Variants in DYNC1LI1 observed in about 807,000 individuals in gnomAD.
The protein encoded by DYNC1LI1 is cytoplasmic dynein 1 light intermediate chain 1.
DYNC1LI1 carries 19 observed loss-of-function variants against 63.8 expected under a neutral mutation model. The observed-to-expected ratio is 0.30, with a 90% CI of 0.21 to 0.44. The LOEUF (loss-of-function observed/expected upper bound fraction) is 0.44, where lower values mean the gene tolerates loss of function less well. Ranked by LOEUF, DYNC1LI1 falls within the 20% of genes least tolerant of loss-of-function variation. The probability of loss-of-function intolerance (pLI) is 1.00; values close to 1 mark genes in which losing one functional copy is unlikely to be tolerated. For synonymous variants in DYNC1LI1, 225 were observed against 232.3 expected (o/e 0.97, Z 0.28); for missense variants, 565 against 630.2 (o/e 0.90, Z 1.11).
chr3:32,569,598 G>A lies in DYNC1LI1; in HGVS notation c.220+748C>T, dbSNP rs558608078. On this transcript the variant is annotated intron_variant, in intron 2 of 12. Coordinates refer to ENST00000273130, the MANE Select transcript of DYNC1LI1 (RefSeq NM_016141.4). Reference sequence around the variant, plus strand: ...GAAATTTCTCCTATAAATGATTCAGGAGCTAAGCCTAGAAAAATGCGAATC... The same window carrying A: ...GAAATTTCTCCTATAAATGATTCAGAAGCTAAGCCTAGAAAAATGCGAATC... 4.6e-5 allele frequency among the ~76,000 whole-genome samples: 7 copies of A among 152,166 alleles called. No homozygotes were observed. In the South Asian group the frequency reaches 1.4e-3, roughly 32 times the overall value.
intron 12 of DYNC1LI1, among the ~76,000 whole-genome samples, 181 bp downstream of exon 12, chr3:32,528,265 G>C (rs1697649402): frequency 6.6e-6 from 1 of 151,972 alleles, no homozygotes; most frequent in South Asian, 2.1e-4. Context: ...AGAGGAAAGA[G>C]AGAAGGTTCA....
At chr3:32,541,253 G>A (rs778027231) in intron 4 of DYNC1LI1, 47 bp from the exon 5 acceptor site, 3 of 1,306,172 alleles carry the variant, frequency 2.3e-6, no homozygotes, top group Non-Finnish European at 3.1e-6. Flanking sequence ...CATTTCAGCA[G>A]GTAACTTTTC....
At chr3:32,540,112 A>C (rs1404808911) in intron 5 of DYNC1LI1, among the ~76,000 whole-genome samples, 14 of 145,532 alleles carry the variant, frequency 9.6e-5, no homozygotes, top group Admixed American at 8.2e-4. Flanking sequence ...CTCGTGATCC[A>C]CCCGCCTCAG....
chr3:32,527,039 A>G (rs913080855), intron 12 of DYNC1LI1, 131 bp from the exon 13 acceptor site: 15 of 610,408 alleles, frequency 2.5e-5, no homozygotes, highest in Non-Finnish European at 3.6e-5. Context: ...TATACAAACA[A>G]CACTTAATTT....
At chr3:32,527,760 C>G (rs538865435) in intron 12 of DYNC1LI1, among the ~76,000 whole-genome samples, 99 of 152,142 alleles carry the variant, frequency 6.5e-4, no homozygotes, top group African/African-American at 2.3e-3. Context: ...ACTCAGATGT[C>G]CATTACCCAG....
intron 6 of DYNC1LI1, among the ~76,000 whole-genome samples, chr3:32,536,460 A>C (rs146304685): frequency 1.3e-5 from 2 of 152,220 alleles, no homozygotes; most frequent in East Asian, 3.9e-4. Context: ...GGCTCACCTA[A>C]TCCTTGCAAT....
intron 7 of DYNC1LI1, among the ~76,000 whole-genome samples, chr3:32,533,877 CTT>C (rs57075516): frequency 3.2e-4 from 42 of 130,426 alleles, no homozygotes; most frequent in African/African-American, 5.2e-4. Flanking sequence ...AGGTAACTTT[CTT>C]TTTTTTTTTT....
chr3:32,537,186 T>C (rs1365329258), intron 5 of DYNC1LI1, 82 bp from the exon 6 acceptor site: 4 of 713,188 alleles, frequency 5.6e-6, no homozygotes, highest in Non-Finnish European at 6.5e-6. Context: ...CAATTCTGGA[T>C]AGGGGAACAT....
chr3:32,547,973 T>C (rs761028421), intron 2 of DYNC1LI1, among the ~76,000 whole-genome samples: 8 of 152,052 alleles, frequency 5.3e-5, no homozygotes, highest in Non-Finnish European at 5.9e-5. Flanking sequence ...GTATAATATA[T>C]ATGTGTGTGT....
intron 6 of DYNC1LI1, 152 bp from the exon 7 acceptor site, chr3:32,534,798 TA>T: frequency 4.2e-6 from 2 of 476,202 alleles, no homozygotes; most frequent in Non-Finnish European, 7.1e-6. Context: ...ACTTCAAAAG[TA>T]AAAAATACTA....
intron 5 of DYNC1LI1, among the ~76,000 whole-genome samples, chr3:32,538,540 A>T (rs1697832521): frequency 6.6e-6 from 1 of 151,962 alleles, no homozygotes; most frequent in Non-Finnish European, 1.5e-5. Flanking sequence ...CTCCACTAAA[A>T]ATACAAAAAA....
intron 5 of DYNC1LI1, among the ~76,000 whole-genome samples, chr3:32,537,915 T>TA (rs1697799840): frequency 3.1e-5 from 2 of 65,346 alleles, no homozygotes; most frequent in African/African-American, 1.5e-4. Flanking sequence ...ATATATATAA[T>TA]TTATATATAT....
intron 5 of DYNC1LI1, chr3:32,537,345 CCAAAGA>C (rs1697788200): frequency 4.3e-6 from 1 of 230,628 alleles, no homozygotes; most frequent in African/African-American, 2.3e-5. Flanking sequence ...GGTCAGAACA[CCAAAGA>C]CAAAGTTTTA....
intron 2 of DYNC1LI1, among the ~76,000 whole-genome samples, chr3:32,562,007 G>T (rs147298825): frequency 6.6e-6 from 1 of 152,084 alleles, no homozygotes; most frequent in African/African-American, 2.4e-5. Context: ...GTTAATAGAC[G>T]CTCATACCTA....
intron 5 of DYNC1LI1, among the ~76,000 whole-genome samples, chr3:32,539,243 CTT>C (rs756772931): frequency 2.6e-5 from 4 of 152,090 alleles, no homozygotes; most frequent in Non-Finnish European, 5.9e-5. Context: ...AGATGGCAGA[CTT>C]TAACTTAATT....
intron 9 of DYNC1LI1, 50 bp downstream of exon 9, chr3:32,530,411 A>G: frequency 1.2e-6 from 2 of 1,604,952 alleles, no homozygotes; most frequent in Non-Finnish European, 1.7e-6. Flanking sequence ...ACACACAAGA[A>G]CAGTTTACCC....
chr3:32,538,011 A>ATATAT (rs1697816034), intron 5 of DYNC1LI1, among the ~76,000 whole-genome samples: 1 of 19,598 alleles, frequency 5.1e-5, no homozygotes, highest in African/African-American at 3.0e-4. Context: ...TATATATAAT[A>ATATAT]TATATATATA....
chr3:32,528,174 T>G (rs1241025998), intron 12 of DYNC1LI1, among the ~76,000 whole-genome samples: 1 of 133,384 alleles, frequency 7.5e-6, no homozygotes, highest in African/African-American at 2.8e-5. Flanking sequence ...TATTACAACA[T>G]GTATGACCTT....
intron 2 of DYNC1LI1, among the ~76,000 whole-genome samples, chr3:32,549,100 T>C (rs142424734): frequency 3.9e-5 from 6 of 152,160 alleles, no homozygotes; most frequent in African/African-American, 1.2e-4. Flanking sequence ...GCATTTAATT[T>C]CAGCAAAACA....
Sources: allele counts gnomAD v4.1 joint callset (sites outside exome capture counted in the v4.1 genomes callset), GRCh38; gene constraint gnomAD v4.1.1; transcripts MANE v1.5; gene names NCBI Gene and HGNC (gene_info 2026-07-23, HGNC 2026-07-21).